MBD5: variants seen among roughly 807,000 people sequenced by gnomAD.
MBD5 encodes methyl-CpG binding domain protein 5, also known as methyl-CpG-binding domain protein 5.
Under a neutral mutation model 117.3 loss-of-function variants are expected in MBD5, and 13 were observed. The observed-to-expected ratio is 0.11, with a 90% CI of 0.07 to 0.18. MBD5 has a LOEUF of 0.18. MBD5 is among the 10% of genes least tolerant of loss of function. The pLI is 1.00. For synonymous variants in MBD5, 727 were observed against 766.4 expected (o/e 0.95, Z 0.85); for missense variants, 1,879 against 2,093.8 (o/e 0.90, Z 2.00).
intron 4 of MBD5, among the ~76,000 whole-genome samples, chr2:148,456,442 G>C (rs547576200): frequency 2.0e-5 from 3 of 152,008 alleles, no homozygotes; most frequent in African/African-American, 7.2e-5. Context: ...CTACGGATTT[G>C]GGGGGGACAC....
At chr2:148,158,246 G>T (rs1287785413) in intron 1 of MBD5, among the ~76,000 whole-genome samples, 1 of 152,154 alleles carries the variant, frequency 6.6e-6, no homozygotes, top group Admixed American at 6.5e-5. Context: ...ATGGGGAAGT[G>T]CTCAAGAGAA....
intron 3 of MBD5, among the ~76,000 whole-genome samples, chr2:148,294,501 G>GTTTTTTTTTTTTTTGTTTTTTTTTTTTTT (rs1701591222): frequency 8.8e-6 from 1 of 113,216 alleles, no homozygotes; most frequent in Non-Finnish European, 1.8e-5. Context: ...TGGGATTACA[G>GTTTTTTTTTTTTTTGTTTTTTTTTTTTTT]TTTTTTTTTT....
At chr2:148,277,985 A>G (rs1424164050) in intron 3 of MBD5, among the ~76,000 whole-genome samples, 3 of 152,156 alleles carry the variant, frequency 2.0e-5, no homozygotes, top group Admixed American at 6.5e-5. Flanking sequence ...AACCACCACC[A>G]TAGTCAAGAT....
chr2:148,314,143 A>G (rs1702100066), intron 3 of MBD5, among the ~76,000 whole-genome samples: 1 of 151,918 alleles, frequency 6.6e-6, no homozygotes, highest in African/African-American at 2.4e-5. Flanking sequence ...TTTTCCTTAC[A>G]GAGAAAACTA....
chr2:148,089,644 A>G (rs1695885066), intron 1 of MBD5, among the ~76,000 whole-genome samples: 1 of 152,144 alleles, frequency 6.6e-6, no homozygotes, highest in Non-Finnish European at 1.5e-5. Context: ...TCTGAACTGA[A>G]TGATAATAGT....
At chr2:148,390,802 C>A (rs1017940599) in intron 4 of MBD5, among the ~76,000 whole-genome samples, 2 of 152,078 alleles carry the variant, frequency 1.3e-5, no homozygotes, top group African/African-American at 4.8e-5. Flanking sequence ...CTCAGGCGAA[C>A]CTCCCACCTT....
At chr2:148,187,096 C>T (rs1698680074) in intron 2 of MBD5, among the ~76,000 whole-genome samples, 1 of 151,774 alleles carries the variant, frequency 6.6e-6, no homozygotes, top group Admixed American at 6.6e-5. Flanking sequence ...TGGCACGTGC[C>T]TATAGTCCTA....
chr2:148,201,409 AC>A (rs1363559480), intron 2 of MBD5, among the ~76,000 whole-genome samples: 1 of 152,178 alleles, frequency 6.6e-6, no homozygotes, highest in African/African-American at 2.4e-5. Context: ...GGGGGATGTT[AC>A]AGCATGCTAA....
At chr2:148,023,177 A>G (rs1274007784) in intron 1 of MBD5, among the ~76,000 whole-genome samples, 1 of 151,674 alleles carries the variant, frequency 6.6e-6, no homozygotes, top group Non-Finnish European at 1.5e-5. Context: ...CAATTTTGTG[A>G]TCAGACTGGC....
chr2:148,180,323 T>C (rs1024914004), intron 2 of MBD5, among the ~76,000 whole-genome samples: 1 of 120,894 alleles, frequency 8.3e-6, no homozygotes, highest in Non-Finnish European at 1.8e-5. Flanking sequence ...ATCAGATCCT[T>C]CTAGTAAAAA....
At chr2:148,455,357 A>C (rs1706850616) in intron 4 of MBD5, among the ~76,000 whole-genome samples, 1 of 152,140 alleles carries the variant, frequency 6.6e-6, no homozygotes, top group African/African-American at 2.4e-5. Context: ...CTGTAAAACC[A>C]GCCTTTTCTT....
At chr2:148,158,106 G>A (rs1045046384) in intron 1 of MBD5, among the ~76,000 whole-genome samples, 1 of 151,768 alleles carries the variant, frequency 6.6e-6, no homozygotes, top group Non-Finnish European at 1.5e-5. Context: ...GTTAATTTCA[G>A]CATTATTTAC....
chr2:148,477,697 A>T (rs780542549), intron 8 of MBD5, among the ~76,000 whole-genome samples: 32 of 152,192 alleles, frequency 2.1e-4, no homozygotes, highest in Non-Finnish European at 2.2e-4. Flanking sequence ...CTAAGCCATG[A>T]TATTTTCTCT....
intron 4 of MBD5, among the ~76,000 whole-genome samples, chr2:148,429,451 A>C (rs2105328104): frequency 6.6e-6 from 1 of 152,218 alleles, no homozygotes; most frequent in East Asian, 1.9e-4. Context: ...TTCCTCAAGG[A>C]TCCAGAACTA....
At chr2:148,401,443 C>T (rs1287559022) in intron 4 of MBD5, among the ~76,000 whole-genome samples, 1 of 152,006 alleles carries the variant, frequency 6.6e-6, no homozygotes, top group African/African-American at 2.4e-5. Flanking sequence ...ATCATCAATC[C>T]AATCATTTCA....
At chr2:148,043,407 C>T (rs532908246) in intron 1 of MBD5, among the ~76,000 whole-genome samples, 14 of 151,792 alleles carry the variant, frequency 9.2e-5, no homozygotes, top group Admixed American at 3.9e-4. Context: ...GAGCCAAGAT[C>T]GTGCCACTGC....
At chr2:148,185,364 G>C (rs1427616990) in intron 2 of MBD5, among the ~76,000 whole-genome samples, 1 of 152,152 alleles carries the variant, frequency 6.6e-6, no homozygotes, top group African/African-American at 2.4e-5. Flanking sequence ...GAACCAGACA[G>C]TGTACTATTC....
chr2:148,408,957 A>G (rs1705168698), intron 4 of MBD5, among the ~76,000 whole-genome samples: 1 of 152,212 alleles, frequency 6.6e-6, no homozygotes, highest in Non-Finnish European at 1.5e-5. Context: ...GACATAGGTT[A>G]TAGGCAAATA....
intron 1 of MBD5, among the ~76,000 whole-genome samples, chr2:148,127,367 A>G (rs980991247): frequency 1.3e-5 from 2 of 152,036 alleles, no homozygotes; most frequent in African/African-American, 2.4e-5. Flanking sequence ...TCCATTAGCT[A>G]TTCTTCCTGA....
Sources: gnomAD v4.1 joint callset for allele counts (sites outside exome capture counted in the v4.1 genomes callset) on GRCh38, gnomAD v4.1.1 for gene constraint, MANE v1.5 for transcripts, NCBI Gene and HGNC (gene_info 2026-07-23, HGNC 2026-07-21) for gene names.